Variants in EEIG2 observed in about 807,000 individuals in gnomAD.
The protein encoded by EEIG2 is EEIG family member 2, also known as family with sequence similarity 102 member B.
the EEIG2 span, among the ~76,000 whole-genome samples, chr1:108,581,852 G>A: frequency 6.6e-6 from 1 of 152,172 alleles, no homozygotes. Flanking sequence ...AAAGCAGCAG[G>A]GTTTGAGAGG....
the EEIG2 span, chr1:108,626,808 A>C: frequency 7.2e-5 from 11 of 152,116 alleles, no homozygotes; most frequent in African/African-American, 2.7e-4. Flanking sequence ...CTGCTTCCCT[A>C]CAAAGAAGGC....
the EEIG2 span, among the ~76,000 whole-genome samples, chr1:108,594,183 C>T: frequency 1.5e-4 from 23 of 152,008 alleles, no homozygotes; most frequent in Non-Finnish European, 2.9e-4. Flanking sequence ...ATGAGAAAGC[C>T]GCCAAGGACA....
chr1:108,638,942 C>A, the EEIG2 span: 1 of 152,154 alleles, frequency 6.6e-6, no homozygotes. Context: ...ACAATGTATT[C>A]TGCATTTTCA....
At chr1:108,587,117 T>C in the EEIG2 span, among the ~76,000 whole-genome samples, 3 of 152,164 alleles carry the variant, frequency 2.0e-5, no homozygotes, top group Non-Finnish European at 4.4e-5. Flanking sequence ...TACACAATGC[T>C]TAGTTTGGGC....
the EEIG2 span, among the ~76,000 whole-genome samples, chr1:108,584,311 CTG>C: frequency 6.6e-6 from 1 of 152,012 alleles, no homozygotes; most frequent in African/African-American, 2.4e-5. Context: ...GATTGAGAGT[CTG>C]TATGCTTTCT....
At chr1:108,615,566 G>T in the EEIG2 span, among the ~76,000 whole-genome samples, 4 of 151,704 alleles carry the variant, frequency 2.6e-5, no homozygotes, top group Non-Finnish European at 5.9e-5. Flanking sequence ...TTGAGGCCAG[G>T]AGTTCAAGAT....
At chr1:108,601,551 A>G in the EEIG2 span, among the ~76,000 whole-genome samples, 1 of 151,758 alleles carries the variant, frequency 6.6e-6, no homozygotes, top group Non-Finnish European at 1.5e-5. Context: ...TCAACTATAT[A>G]AACATTTTAT....
chr1:108,600,933 G>A, the EEIG2 span, among the ~76,000 whole-genome samples: 1 of 152,030 alleles, frequency 6.6e-6, no homozygotes, highest in African/African-American at 2.4e-5. Context: ...AATCTTACTT[G>A]TGTTAGTTTG....
chr1:108,628,428 T>A, the EEIG2 span: 1 of 1,614,040 alleles, frequency 6.2e-7, no homozygotes, highest in Non-Finnish European at 8.5e-7. Context: ...TCATCTAGTT[T>A]CTCTGAGCTC....
chr1:108,610,656 C>A, the EEIG2 span, among the ~76,000 whole-genome samples: 9 of 152,072 alleles, frequency 5.9e-5, no homozygotes, highest in East Asian at 1.5e-3. Context: ...GACAGCTGGG[C>A]GCGGTGGCTC....
the EEIG2 span, among the ~76,000 whole-genome samples, chr1:108,597,149 C>A: frequency 1.3e-5 from 2 of 152,098 alleles, no homozygotes; most frequent in African/African-American, 4.8e-5. Flanking sequence ...GTGGCAGGTG[C>A]TTGTCATCTC....
the EEIG2 span, chr1:108,560,392 G>C: frequency 3.3e-6 from 5 of 1,494,212 alleles, no homozygotes; most frequent in Admixed American, 4.1e-5. Flanking sequence ...GGCGGCGCCC[G>C]GCCGTGCGCC....
the EEIG2 span, among the ~76,000 whole-genome samples, chr1:108,606,987 T>G: frequency 6.6e-6 from 1 of 152,158 alleles, no homozygotes; most frequent in African/African-American, 2.4e-5. Context: ...TTAACTTCCA[T>G]ATCTACCAAA....
the EEIG2 span, among the ~76,000 whole-genome samples, chr1:108,562,213 G>A: frequency 1.3e-5 from 2 of 152,182 alleles, no homozygotes; most frequent in Non-Finnish European, 2.9e-5. Context: ...GATCAGGTCT[G>A]TGTAACTTCA....
chr1:108,572,022 C>G, the EEIG2 span, among the ~76,000 whole-genome samples: 2 of 152,168 alleles, frequency 1.3e-5, no homozygotes, highest in Non-Finnish European at 2.9e-5. Context: ...CTCCTCTGCC[C>G]TCAATCCTGC....
At chr1:108,582,197 T>C in the EEIG2 span, among the ~76,000 whole-genome samples, 3 of 152,314 alleles carry the variant, frequency 2.0e-5, no homozygotes, top group Middle Eastern at 3.4e-3. Flanking sequence ...TAAAATATAG[T>C]GTAGACATAG....
the EEIG2 span, among the ~76,000 whole-genome samples, chr1:108,612,571 A>G: frequency 6.3e-4 from 96 of 152,330 alleles, no homozygotes; most frequent in Admixed American, 3.5e-3. Context: ...CATTGGGAGG[A>G]AGGAGCATGA....
At chr1:108,614,170 G>T in the EEIG2 span, among the ~76,000 whole-genome samples, 1 of 115,732 alleles carries the variant, frequency 8.6e-6, no homozygotes, top group Non-Finnish European at 1.7e-5. Flanking sequence ...AGGAGTTCAA[G>T]ACCAGTCTGG....
the EEIG2 span, among the ~76,000 whole-genome samples, chr1:108,574,376 A>C: frequency 6.6e-6 from 1 of 152,176 alleles, no homozygotes; most frequent in African/African-American, 2.4e-5. Context: ...AAAAATGAAG[A>C]GTTTAATGGA....
Sources: allele counts gnomAD v4.1 joint callset (sites outside exome capture counted in the v4.1 genomes callset), GRCh38; gene constraint gnomAD v4.1.1; transcripts MANE v1.5; gene names NCBI Gene and HGNC (gene_info 2026-07-23, HGNC 2026-07-21).